Variants in CRYBG1 observed in about 807,000 individuals in gnomAD.
CRYBG1 encodes the protein crystallin beta-gamma domain containing 1.
In CRYBG1, 139 loss-of-function variants were observed where a neutral mutation model predicts 189.2. That is an observed-to-expected ratio of 0.73 (90% CI 0.64 to 0.85). CRYBG1 has a LOEUF of 0.85. Among genes scored for constraint, CRYBG1 ranks in the 40% least tolerant of loss-of-function variants. CRYBG1 has a pLI of 0.00. For missense variants in CRYBG1, 2,611 were observed against 2,675.8 expected (o/e 0.98, Z 0.53); for synonymous variants, 1,023 against 1,017.1 (o/e 1.01, Z -0.11).
intron 1 of CRYBG1, among the ~76,000 whole-genome samples, chr6:106,394,305 G>T (rs1275419033): frequency 6.6e-6 from 1 of 152,142 alleles, no homozygotes; most frequent in African/African-American, 2.4e-5. Flanking sequence ...CCTTTCTTAT[G>T]ATACATATAC....
chr6:106,447,572 A>ATATATATATATATATATC (rs1562309779), intron 1 of CRYBG1, among the ~76,000 whole-genome samples: 1 of 143,846 alleles, frequency 7.0e-6, no homozygotes, highest in African/African-American at 2.6e-5. Context: ...ATATATATAT[A>ATATATATATATATATATC]TCTACTATGT....
At chr6:106,495,815 TGAG>T (rs1418547402) in intron 2 of CRYBG1, among the ~76,000 whole-genome samples, 3 of 101,156 alleles carry the variant, frequency 3.0e-5, no homozygotes, top group Non-Finnish European at 3.8e-5. Context: ...TTTTTTTCCT[TGAG>T]TAAAAAAAAA....
At chr6:106,565,098 T>A (rs1469919052) in intron 21 of CRYBG1, among the ~76,000 whole-genome samples, 1 of 152,040 alleles carries the variant, frequency 6.6e-6, no homozygotes, top group Non-Finnish European at 1.5e-5. Context: ...GGTGGGTGGA[T>A]CACGAGGTCA....
At chr6:106,501,341 G>A (rs542649301) in intron 2 of CRYBG1, among the ~76,000 whole-genome samples, 1 of 152,182 alleles carries the variant, frequency 6.6e-6, no homozygotes, top group Admixed American at 6.5e-5. Context: ...AAAAAGAGTA[G>A]GCTTATATTG....
intron 10 of CRYBG1, 94 bp from the exon 11 acceptor site, chr6:106,543,346 T>A (rs1244760733): frequency 3.9e-6 from 5 of 1,291,436 alleles, no homozygotes; most frequent in Non-Finnish European, 5.4e-6. Context: ...TTTTAATTTG[T>A]GTGTCAGGAC....
intron 2 of CRYBG1, among the ~76,000 whole-genome samples, chr6:106,452,280 G>A (rs1330603200): frequency 1.3e-5 from 2 of 150,190 alleles, no homozygotes; most frequent in Non-Finnish European, 3.0e-5. Flanking sequence ...AAAATTAGCT[G>A]GGTGTGGTGA....
intron 8 of CRYBG1, among the ~76,000 whole-genome samples, chr6:106,538,448 T>C (rs1841688): frequency 0.3 from 45,519 of 152,018 alleles, 7,152 homozygotes; most frequent in South Asian, 0.37. Flanking sequence ...AAAAGCTTTG[T>C]GGCCTGGGAA....
At chr6:106,460,903 C>T (rs1005111132) in intron 2 of CRYBG1, among the ~76,000 whole-genome samples, 1 of 152,172 alleles carries the variant, frequency 6.6e-6, no homozygotes, top group African/African-American at 2.4e-5. Context: ...TCTCTTGCTT[C>T]AGCCTCCAGA....
intron 1 of CRYBG1, among the ~76,000 whole-genome samples, chr6:106,376,275 C>T (rs1284258678): frequency 6.6e-6 from 1 of 152,202 alleles, no homozygotes; most frequent in African/African-American, 2.4e-5. Flanking sequence ...CTCCCTACTT[C>T]ATTAAAACAT....
chr6:106,429,167 G>A lies in CRYBG1; in HGVS notation c.174-22527G>A, dbSNP rs140894645. 1.8e-3 allele frequency among the ~76,000 whole-genome samples: 276 copies of A among 152,284 alleles called. 1 individual carries two copies. The highest frequency in any genetic ancestry group is 6.4e-3 in the African/African-American group (266 of 41,564). ...ATTTCCTTCTATTTTCCGTCTCTAT[G>A]TGGAATATATCACCTATTAGCCTTG... On this transcript the variant is annotated intron_variant, in intron 1 of 21. Transcript: ENST00000633556.
chr6:106,449,670 C>G (rs992452152), intron 1 of CRYBG1, among the ~76,000 whole-genome samples: 6 of 152,132 alleles, frequency 3.9e-5, no homozygotes, highest in African/African-American at 7.2e-5. Context: ...AGGTATTTTT[C>G]AGTTGTTACT....
At chr6:106,459,063 T>C (rs897182157) in intron 2 of CRYBG1, among the ~76,000 whole-genome samples, 14 of 152,228 alleles carry the variant, frequency 9.2e-5, no homozygotes, top group Admixed American at 9.2e-4. Context: ...AAAAGATTGG[T>C]TGCCTATGTA....
At chr6:106,454,920 C>G (rs1354749445) in intron 2 of CRYBG1, 1 of 152,254 alleles carries the variant, frequency 6.6e-6, no homozygotes, top group Non-Finnish European at 1.5e-5. Context: ...CTTCACTTGA[C>G]TAGCCTTAAG....
Position 106,558,509 on chromosome 6 carries a change from TC to T in CRYBG1, c.5740del (p.Leu1914SerfsTer72), listed in dbSNP as rs766684995. ...AGGAATTTTCTGAACCAACAATTATTCTCTTTGAAAGAGAAGACTTCAAAGG... is the reference window on the plus strand; with the variant it reads ...AGGAATTTTCTGAACCAACAATTATTTCTTTGAAAGAGAAGACTTCAAAGG... ...DVEFSEPTII[L>X]FEREDFKGKK... On this transcript the variant is annotated frameshift_variant, in exon 18 of 22. Coordinates refer to ENST00000633556, the MANE Select transcript of CRYBG1 (RefSeq NM_001371242.2). LOFTEE classifies it high-confidence loss of function. 6.2e-7 allele frequency: 1 copy of T among 1,603,556 alleles called. No homozygotes were observed.
intron 1 of CRYBG1, among the ~76,000 whole-genome samples, chr6:106,416,463 A>G (rs1262608916): frequency 6.6e-6 from 1 of 152,152 alleles, no homozygotes; most frequent in Non-Finnish European, 1.5e-5. Context: ...TTCTAGTTTC[A>G]TTTTATATAA....
At chr6:106,551,258 T>C (rs185867079) in intron 13 of CRYBG1, among the ~76,000 whole-genome samples, 1 of 152,266 alleles carries the variant, frequency 6.6e-6, no homozygotes. Context: ...TGCTCATAAA[T>C]ATTTGGTATT....
At chr6:106,506,844 C>T (rs1364493120) in intron 2 of CRYBG1, among the ~76,000 whole-genome samples, 1 of 151,956 alleles carries the variant, frequency 6.6e-6, no homozygotes, top group African/African-American at 2.4e-5. Context: ...AGTTTTGTTC[C>T]CATAGTTACT....
chr6:106,490,748 G>A lies in CRYBG1; in HGVS notation c.313-20682G>A, dbSNP rs1175845933. Among the ~76,000 whole-genome samples the A allele has an allele frequency of 3.3e-5, 5 of 152,216 alleles. No homozygotes were observed. The East Asian group carries it at 9.6e-4, about 29-fold the overall frequency. On this transcript the variant is annotated intron_variant, in intron 2 of 21. Transcript: ENST00000633556. ...TTCACAGAAAGAATGAGCATGTGAG[G>A]AAAGTCCTCAAGCTAGAATTGACCC...
chr6:106,449,318 C>A (rs4141620), intron 1 of CRYBG1: 127,192 of 152,138 alleles, frequency 0.84, 53,210 homozygotes, highest in East Asian at 0.93. Context: ...AAAAGGAAAA[C>A]TATTAAGGGG....
Sources: allele counts gnomAD v4.1 joint callset (sites outside exome capture counted in the v4.1 genomes callset), GRCh38; gene constraint gnomAD v4.1.1; transcripts MANE v1.5; gene names NCBI Gene and HGNC (gene_info 2026-07-23, HGNC 2026-07-21).